Variants in MYO5B observed in about 807,000 individuals in gnomAD.
MYO5B encodes unconventional myosin-Vb.
In MYO5B, 143 loss-of-function variants were observed where a neutral mutation model predicts 229.3. That is an observed-to-expected ratio of 0.62 (90% CI 0.54 to 0.72). MYO5B has a LOEUF of 0.72. Among genes scored for constraint, MYO5B ranks in the 30% least tolerant of loss-of-function variants. MYO5B has a pLI of 0.00. For missense variants in MYO5B, 2,321 were observed against 2,331.0 expected (o/e 1.00, Z 0.09); for synonymous variants, 918 against 885.2 (o/e 1.04, Z -0.66).
chr18:50,022,623 A>T (rs1488212224), intron 4 of MYO5B, among the ~76,000 whole-genome samples: 1 of 152,204 alleles, frequency 6.6e-6, no homozygotes, highest in Admixed American at 6.5e-5. Flanking sequence ...GCTGCCGTGG[A>T]GAAAGGAACA....
chr18:50,092,824 A>C (rs1385923621), intron 1 of MYO5B, among the ~76,000 whole-genome samples: 2 of 152,242 alleles, frequency 1.3e-5, no homozygotes, highest in Non-Finnish European at 2.9e-5. Context: ...ATCATTGAAT[A>C]AATGTCAAGA....
intron 1 of MYO5B, among the ~76,000 whole-genome samples, chr18:50,109,850 C>T (rs1410174160): frequency 1.3e-5 from 2 of 152,216 alleles, no homozygotes; most frequent in African/African-American, 4.8e-5. Context: ...ACAACATAAA[C>T]ACCCAAAGCA....
intron 4 of MYO5B, 139 bp downstream of exon 4, chr18:50,036,711 G>A: frequency 1.1e-6 from 1 of 951,708 alleles, no homozygotes. Flanking sequence ...AGTAGAACTT[G>A]GGCTGCTTTG....
chr18:49,954,529 G>A (rs2025469882), intron 12 of MYO5B, 94 bp from the exon 13 acceptor site: 4 of 1,510,338 alleles, frequency 2.6e-6, no homozygotes, highest in Non-Finnish European at 3.7e-6. Context: ...GGCTGGCTCT[G>A]TGAAGGTTGA....
At chr18:50,136,813 C>T (rs1429348013) in intron 1 of MYO5B, among the ~76,000 whole-genome samples, 3 of 152,156 alleles carry the variant, frequency 2.0e-5, no homozygotes, top group South Asian at 2.1e-4. Context: ...TGAAAGAAAA[C>T]GATGGTGTCA....
In MYO5B at chr18:50,026,411, G is replaced by T. The variant is rs937737731; in HGVS notation, c.455+10439C>A. Among the ~76,000 whole-genome samples, 591 of 152,328 alleles carry T rather than the reference G, an allele frequency of 3.9e-3. 3 individuals carry two copies. The highest frequency in any genetic ancestry group is 0.013 in the African/African-American group (548 of 41,580). ...CTAACTGTAGAACTGAAAGTGGCTT[G>T]TTTTCCATATATAATAAATGCATAA... On this transcript the variant is annotated intron_variant, in intron 4 of 39. Coordinates refer to ENST00000285039, the MANE Select transcript of MYO5B (RefSeq NM_001080467.3).
At position 49,849,733 on chromosome 18, in the gene MYO5B, C is replaced by G. The variant is rs490648; in HGVS notation, c.4222-73G>C. 543,033 of 1,224,514 alleles carry G rather than the reference C, an allele frequency of 0.44. 125,690 individuals carry two copies. The highest frequency in any genetic ancestry group is 0.49 in the Middle Eastern group (2,502 of 5,134). The allele number at this position is 1,224,514 out of a possible 1,614,324, so 75.9% of individuals were successfully genotyped here. A position where few individuals can be genotyped will look rare whatever the true frequency, so the allele number is the denominator to read the frequency against. ...GATGGTGGGGGTAAAATCCTGCTTGCAGTTGGAGGTGACCAGTGCGGCCCA... is the reference window on the plus strand; with the variant it reads ...GATGGTGGGGGTAAAATCCTGCTTGGAGTTGGAGGTGACCAGTGCGGCCCA... On this transcript the variant is annotated intron_variant, in intron 31 of 39. Transcript: ENST00000285039.
intron 4 of MYO5B, among the ~76,000 whole-genome samples, chr18:50,008,552 G>A (rs1360246329): frequency 4.6e-5 from 7 of 152,186 alleles, no homozygotes; most frequent in Non-Finnish European, 1.0e-4. Context: ...TGTGTGTGTG[G>A]GGAATGGGAG....
intron 1 of MYO5B, among the ~76,000 whole-genome samples, chr18:50,193,793 C>G (rs961291795): frequency 6.6e-6 from 1 of 152,250 alleles, no homozygotes; most frequent in Admixed American, 6.5e-5. Flanking sequence ...AAGAAAAGGC[C>G]TTTGCCCCTC....
At chr18:49,992,996 C>T (rs986452206) in intron 5 of MYO5B, among the ~76,000 whole-genome samples, 8 of 152,162 alleles carry the variant, frequency 5.3e-5, no homozygotes, top group African/African-American at 1.9e-4. Flanking sequence ...CACAAATTGA[C>T]ACTCCTTCCC....
chr18:50,053,018 C>G (rs1317169041), intron 2 of MYO5B, among the ~76,000 whole-genome samples: 1 of 152,116 alleles, frequency 6.6e-6, no homozygotes, highest in Non-Finnish European at 1.5e-5. Flanking sequence ...GCTGCTGGGG[C>G]AGATTTTCCA....
intron 1 of MYO5B, among the ~76,000 whole-genome samples, chr18:50,105,570 G>A (rs911985928): frequency 6.6e-6 from 1 of 152,232 alleles, no homozygotes; most frequent in African/African-American, 2.4e-5. Flanking sequence ...TAGTGATGGA[G>A]GACAGGTCAG....
intron 1 of MYO5B, among the ~76,000 whole-genome samples, chr18:50,139,716 T>C (rs565517423): frequency 6.6e-6 from 1 of 152,236 alleles, no homozygotes; most frequent in South Asian, 2.1e-4. Context: ...TGCTTTTCCC[T>C]TCTATCCACA....
At chr18:49,855,854 G>A (rs2024256158) in intron 30 of MYO5B, among the ~76,000 whole-genome samples, 1 of 152,198 alleles carries the variant, frequency 6.6e-6, no homozygotes, top group Non-Finnish European at 1.5e-5. Flanking sequence ...GCAAGGAGAA[G>A]CAGCATGAGG....
At chr18:50,101,992 T>C (rs901196809) in intron 1 of MYO5B, among the ~76,000 whole-genome samples, 5 of 152,140 alleles carry the variant, frequency 3.3e-5, no homozygotes, top group East Asian at 1.9e-4. Flanking sequence ...CAAATGCCCA[T>C]TGATGATAGA....
intron 1 of MYO5B, among the ~76,000 whole-genome samples, chr18:50,122,859 G>A (rs1422901366): frequency 4.0e-5 from 6 of 151,736 alleles, no homozygotes; most frequent in Admixed American, 2.6e-4. Flanking sequence ...CTCAGACATC[G>A]ACTGCTGATG....
chr18:49,931,957 G>A lies in MYO5B; in HGVS notation c.2004-2359C>T, dbSNP rs894490879. On this transcript the variant is annotated intron_variant, in intron 16 of 39. Coordinates refer to ENST00000285039, the MANE Select transcript of MYO5B (RefSeq NM_001080467.3). Reference sequence around the variant, plus strand: ...TTCCTCTGCTCAGCATGACCACAGGGTCAAGTTCAGCCCATTGCACACACC... The same window carrying A: ...TTCCTCTGCTCAGCATGACCACAGGATCAAGTTCAGCCCATTGCACACACC... Among the ~76,000 whole-genome samples, 19 of 152,186 alleles carry A rather than the reference G, an allele frequency of 1.2e-4. 1 individual carries two copies. The highest frequency in any genetic ancestry group is 3.9e-4 in the East Asian group (2 of 5,194).
At chr18:49,839,545 G>A (rs905241195) in intron 35 of MYO5B, among the ~76,000 whole-genome samples, 5 of 152,232 alleles carry the variant, frequency 3.3e-5, no homozygotes, top group Non-Finnish European at 5.9e-5. Context: ...TCCCTGAGGC[G>A]AAGTGATTTC....
chr18:49,989,057 C>A lies in MYO5B; in HGVS notation c.838+1382G>T, dbSNP rs550586397. 4.8e-4 allele frequency among the ~76,000 whole-genome samples: 73 copies of A among 152,286 alleles called. 2 individuals are homozygous for A. The highest frequency in any genetic ancestry group is 8.8e-5 in the Non-Finnish European group (6 of 68,032). On this transcript the variant is annotated intron_variant, in intron 7 of 39. Transcript: ENST00000285039. Reference sequence around the variant, plus strand: ...CTCAGCTCTGCTTCCTTCAGCACAGCCCTTAGCACTCTGCATCATAATTGA... The same window carrying A: ...CTCAGCTCTGCTTCCTTCAGCACAGACCTTAGCACTCTGCATCATAATTGA...
Sources: allele counts gnomAD v4.1 joint callset (sites outside exome capture counted in the v4.1 genomes callset), GRCh38; gene constraint gnomAD v4.1.1; transcripts MANE v1.5; gene names NCBI Gene and HGNC (gene_info 2026-07-23, HGNC 2026-07-21).